Variants in ZNF25 observed in about 807,000 individuals in gnomAD.
ZNF25 encodes the protein zinc finger protein 25 (KOX 19).
A neutral mutation model predicts 30.9 loss-of-function variants in ZNF25; 21 were observed. That is an observed-to-expected ratio of 0.68 (90% CI 0.48 to 0.98). The LOEUF (loss-of-function observed/expected upper bound fraction) is 0.98. Among genes scored for constraint, ZNF25 ranks in the 50% least tolerant of loss-of-function variants. ZNF25 has a pLI of 0.00. For synonymous variants in ZNF25, 169 were observed against 181.3 expected, an observed-to-expected ratio of 0.93 and a Z score of 0.55; for missense variants, 501 against 529.9, an observed-to-expected ratio of 0.95 and a Z score of 0.54.
At chr10:37,956,098 G>T (rs1208359798) in intron 4 of ZNF25, among the ~76,000 whole-genome samples, 2 of 152,180 alleles carry the variant, frequency 1.3e-5, no homozygotes, top group Non-Finnish European at 2.9e-5. Flanking sequence ...GAAAATACGT[G>T]ACAAACATTT....
At chr10:37,963,063 T>C (rs965935299) in intron 2 of ZNF25, among the ~76,000 whole-genome samples, 1 of 151,856 alleles carries the variant, frequency 6.6e-6, no homozygotes, top group African/African-American at 2.4e-5. Flanking sequence ...AATCTTTTTT[T>C]TTTTTTAAAC....
rs9663435 is a variant in ZNF25 at position 37,969,775 on chromosome 10, C to T, written c.15+1933G>A. Among the ~76,000 whole-genome samples, 697 of 152,220 alleles carry T rather than the reference C, an allele frequency of 4.6e-3. 6 individuals are homozygous for T. The highest frequency in any genetic ancestry group is 0.016 in the African/African-American group (669 of 41,532). ...TAAATGATGAATGTGAATTTCACTT[C>T]AATTAAAACAAGTAAACAAAACCTT... On this transcript the variant is annotated intron_variant, in intron 2 of 5. Coordinates refer to ENST00000302609, the MANE Select transcript of ZNF25 (RefSeq NM_145011.4).
chr10:37,966,292 T>C (rs1440862090), intron 2 of ZNF25, among the ~76,000 whole-genome samples: 1 of 151,910 alleles, frequency 6.6e-6, no homozygotes. Flanking sequence ...CATGCACCTA[T>C]AATCCCAGCT....
intron 2 of ZNF25, among the ~76,000 whole-genome samples, chr10:37,964,169 A>G (rs946029225): frequency 2.6e-5 from 4 of 152,160 alleles, no homozygotes; most frequent in Admixed American, 6.5e-5. Flanking sequence ...CCATGAGCCA[A>G]TTAAACCTCT....
chr10:37,961,716 G>C (rs1289003445), intron 2 of ZNF25, among the ~76,000 whole-genome samples: 1 of 150,502 alleles, frequency 6.6e-6, no homozygotes, highest in Non-Finnish European at 1.5e-5. Context: ...GAGGTCGGGA[G>C]TTCGAGACCA....
At chr10:37,967,538 G>C (rs994976510) in intron 2 of ZNF25, among the ~76,000 whole-genome samples, 21 of 151,798 alleles carry the variant, frequency 1.4e-4, no homozygotes, top group Non-Finnish European at 2.9e-4. Context: ...AGCCTCCCAA[G>C]TATCTGGGAC....
intron 2 of ZNF25, among the ~76,000 whole-genome samples, chr10:37,968,697 C>A (rs552869444): frequency 2.5e-4 from 38 of 152,218 alleles, no homozygotes; most frequent in African/African-American, 8.4e-4. Context: ...ATAAACAGCC[C>A]AGGTAGGAAA....
intron 4 of ZNF25, among the ~76,000 whole-genome samples, chr10:37,956,176 G>A (rs1249965398): frequency 1.3e-5 from 2 of 152,254 alleles, no homozygotes; most frequent in Middle Eastern, 3.4e-3. Flanking sequence ...AGTGCTTTGT[G>A]GGAAGGATAA....
In ZNF25 at chr10:37,976,561, G is replaced by A. The variant is rs1224276075; in HGVS notation, c.-141C>T. 1 of 152,644 alleles carries A rather than the reference G, an allele frequency of 6.6e-6. No homozygotes were observed. Among genetic ancestry groups the A allele is most frequent in the Non-Finnish European group, 1.5e-5 (1 of 68,398 alleles). 9.5% of individuals were successfully genotyped at this position (152,644 alleles called of 1,614,324 possible). ...GCGCCGGGCCCAGGCCCCGCCCTTTGCGGCCCAGCCCAGACCCGGAGGCAC... is the reference window on the plus strand; with the variant it reads ...GCGCCGGGCCCAGGCCCCGCCCTTTACGGCCCAGCCCAGACCCGGAGGCAC... On this transcript the variant is annotated 5_prime_UTR_variant, in exon 1 of 6. Transcript: ENST00000302609.
intron 2 of ZNF25, among the ~76,000 whole-genome samples, chr10:37,965,468 C>A (rs924910032): frequency 1.1e-4 from 16 of 152,116 alleles, no homozygotes; most frequent in African/African-American, 3.6e-4. Flanking sequence ...ACTGTGAAAG[C>A]CAAAAGGCAG....
Position 37,950,460 on chromosome 10 carries a change from G to A in ZNF25, c.*1667C>T, listed in dbSNP as rs2062083602. On this transcript the variant is annotated 3_prime_UTR_variant, in exon 6 of 6. Coordinates refer to ENST00000302609, the MANE Select transcript of ZNF25 (RefSeq NM_145011.4). ...ATTTGTCAAACCCTGACTTAGTGTAGTCAGGATCTGCCCCTAAATCACTTG... is the reference window on the plus strand; with the variant it reads ...ATTTGTCAAACCCTGACTTAGTGTAATCAGGATCTGCCCCTAAATCACTTG... 1 of 152,468 alleles carries A rather than the reference G, an allele frequency of 6.6e-6. No homozygotes were observed. The highest frequency in any genetic ancestry group is 1.5e-5 in the Non-Finnish European group (1 of 68,040). The allele number at this position is 152,468 out of a possible 1,614,324, so 9.4% of individuals were successfully genotyped here.
rs1348441891 is a variant in ZNF25, at chr10:37,951,097, A to G, written c.*1030T>C. On this transcript the variant is annotated 3_prime_UTR_variant, in exon 6 of 6. Coordinates refer to ENST00000302609, the MANE Select transcript of ZNF25 (RefSeq NM_145011.4). ...TTGAAAATTTTACAAAAACATTTTA[A>G]CTTATTTTTGAAGGATTAGTTATTA... 6.6e-6 allele frequency: 1 copy of G among 152,254 alleles called. No homozygotes were observed. Among genetic ancestry groups the G allele is most frequent in the East Asian group, 1.9e-4 (1 of 5,204 alleles). 9.4% of individuals were successfully genotyped at this position (152,254 alleles called of 1,614,324 possible).
rs144925906 is a variant in ZNF25 at position 37,972,376 on chromosome 10, A to T, written c.-85-569T>A. ...GGCTCTGCTATTAATAAACTTAGTGATTGTCTTAGTTTCAATGCTTTTGTC... is the reference window on the plus strand; with the variant it reads ...GGCTCTGCTATTAATAAACTTAGTGTTTGTCTTAGTTTCAATGCTTTTGTC... On this transcript the variant is annotated intron_variant, in intron 1 of 5. Transcript: ENST00000302609. Among the ~76,000 whole-genome samples, 82 of 152,284 alleles carry T rather than the reference A, an allele frequency of 5.4e-4. No homozygotes were observed. In the East Asian group the frequency reaches 0.015, roughly 27 times the overall value.
chr10:37,974,994 A>C (rs986271201), intron 1 of ZNF25, among the ~76,000 whole-genome samples: 2 of 152,218 alleles, frequency 1.3e-5, no homozygotes, highest in Non-Finnish European at 2.9e-5. Context: ...ATTATGTTAC[A>C]TGAAATAAGC....
At chr10:37,974,071 C>T (rs1452476430) in intron 1 of ZNF25, among the ~76,000 whole-genome samples, 1 of 152,120 alleles carries the variant, frequency 6.6e-6, no homozygotes, top group Non-Finnish European at 1.5e-5. Flanking sequence ...ACTGGATATC[C>T]ATACGCAGAA....
At chr10:37,973,768 T>C (rs2063635270) in intron 1 of ZNF25, among the ~76,000 whole-genome samples, 1 of 151,784 alleles carries the variant, frequency 6.6e-6, no homozygotes, top group South Asian at 2.1e-4. Context: ...TTCACAGAAA[T>C]AGGAAAAAAA....
chr10:37,953,120 G>C lies in ZNF25; in HGVS notation c.378C>G (p.Phe126Leu). 1 of 1,613,158 alleles carries C rather than the reference G, an allele frequency of 6.2e-7. No individual in the cohort carries two copies. Among genetic ancestry groups the C allele is most frequent in the Non-Finnish European group, 8.5e-7 (1 of 1,179,820 alleles). The part of the protein sequence containing the change: ...KACECKECGK[F>L]FCQKSALIVH... ...CTATGAGGGCAGACTTCTGGCAGAA[G>C]AACTTCCCACATTCCTTACATTCAC... Residue 126 changes from phenylalanine (F) to leucine (L), a missense_variant, in exon 6 of 6, where the codon TTC becomes TTG. By Grantham distance (22) the Phe-to-Leu change is conservative. Transcript: ENST00000302609.
chr10:37,976,181 C>A (rs2063800047), intron 1 of ZNF25, among the ~76,000 whole-genome samples: 1 of 152,236 alleles, frequency 6.6e-6, no homozygotes, highest in Non-Finnish European at 1.5e-5. Context: ...CCTACAGACG[C>A]TGGACCAGAG....
rs1454782253 is a variant in ZNF25, at chr10:37,952,658, G to A, written c.840C>T (p.His280=). The change falls in exon 6 of 6, where the codon CAC becomes CAT. Residue 280 remains histidine, a synonymous_variant. Coordinates refer to ENST00000302609, the MANE Select transcript of ZNF25 (RefSeq NM_145011.4). ...KSHLTVHQRM[H]TGEKPYKCKE... ...TACATTTATAGGGTTTCTCCCCTGT[G>A]TGCATTCTCTGATGTACTGTGAGGT... 1 of 1,613,514 alleles carries A rather than the reference G, an allele frequency of 6.2e-7. No homozygotes were observed. Among genetic ancestry groups the A allele is most frequent in the African/African-American group, 1.3e-5 (1 of 74,784 alleles).
Sources: gnomAD v4.1 joint callset for allele counts (sites outside exome capture counted in the v4.1 genomes callset) on GRCh38, gnomAD v4.1.1 for gene constraint, MANE v1.5 for transcripts, NCBI Gene and HGNC (gene_info 2026-07-23, HGNC 2026-07-21) for gene names.